Variants in PTPRT observed in about 807,000 individuals in gnomAD.
The protein encoded by PTPRT is receptor-type tyrosine-protein phosphatase T.
Under a neutral mutation model 176.8 loss-of-function variants are expected in PTPRT, and 56 were observed. The observed-to-expected ratio is 0.32, with a 90% confidence interval of 0.26 to 0.40. The LOEUF is 0.40. Ranked by LOEUF, PTPRT falls within the 10% of genes least tolerant of loss-of-function variation. The pLI is 1.00. For synonymous variants in PTPRT, 783 were observed against 739.0 expected (o/e 1.06, Z -0.96); for missense variants, 1,540 against 1,908.2 (o/e 0.81, Z 3.60).
chr20:42,744,927 G>A (rs536649306), intron 6 of PTPRT, among the ~76,000 whole-genome samples: 29 of 152,244 alleles, frequency 1.9e-4, no homozygotes, highest in African/African-American at 6.5e-4. Flanking sequence ...AATGAGGTCC[G>A]TGGTTAGGCA....
At chr20:42,414,612 G>A (rs1026887066) in intron 9 of PTPRT, among the ~76,000 whole-genome samples, 1 of 152,122 alleles carries the variant, frequency 6.6e-6, no homozygotes, top group African/African-American at 2.4e-5. Flanking sequence ...AAAATGCAAA[G>A]GAAGTAATGA....
At chr20:43,010,727 A>G (rs141467730) in intron 1 of PTPRT, among the ~76,000 whole-genome samples, 42 of 139,338 alleles carry the variant, frequency 3.0e-4, no homozygotes, top group Middle Eastern at 7.2e-3. Context: ...CACCACTTGC[A>G]AGAAAAAAAA....
intron 6 of PTPRT, among the ~76,000 whole-genome samples, chr20:42,689,447 C>T (rs1204984958): frequency 2.6e-5 from 4 of 152,148 alleles, no homozygotes; most frequent in East Asian, 1.9e-4. Flanking sequence ...GATAAAACCT[C>T]GCACTCATCC....
At chr20:42,866,733 ATAC>A (rs779964938) in intron 2 of PTPRT, among the ~76,000 whole-genome samples, 6 of 152,278 alleles carry the variant, frequency 3.9e-5, no homozygotes, top group Non-Finnish European at 8.8e-5. Flanking sequence ...CCTTCCTAGA[ATAC>A]TACATTATTC....
intron 27 of PTPRT, among the ~76,000 whole-genome samples, chr20:42,087,284 G>A (rs890306010): frequency 2.0e-5 from 3 of 152,078 alleles, no homozygotes; most frequent in Non-Finnish European, 4.4e-5. Context: ...AGGCGGGAGT[G>A]CAGTGGTGCG....
At chr20:43,083,789 C>A (rs992426324) in intron 1 of PTPRT, among the ~76,000 whole-genome samples, 5 of 152,170 alleles carry the variant, frequency 3.3e-5, no homozygotes, top group African/African-American at 9.7e-5. Flanking sequence ...CATCCCTGTT[C>A]ACAGCCATCC....
intron 1 of PTPRT, among the ~76,000 whole-genome samples, chr20:43,137,967 C>T (rs1159437712): frequency 1.3e-5 from 2 of 152,176 alleles, no homozygotes; most frequent in African/African-American, 2.4e-5. Flanking sequence ...TTCACTTCCC[C>T]GGGTTCAAGT....
chr20:42,584,597 T>C (rs1329374794), intron 7 of PTPRT, among the ~76,000 whole-genome samples: 1 of 152,186 alleles, frequency 6.6e-6, no homozygotes, highest in Non-Finnish European at 1.5e-5. Context: ...TCTCTCCTTA[T>C]CATGCTTTAT....
intron 1 of PTPRT, among the ~76,000 whole-genome samples, chr20:43,117,107 G>A (rs960539366): frequency 1.3e-5 from 2 of 152,136 alleles, no homozygotes; most frequent in Admixed American, 1.3e-4. Flanking sequence ...AAAGGGGCAA[G>A]CAGAGACATG....
chr20:42,138,336 G>C (rs1464696278), intron 18 of PTPRT, among the ~76,000 whole-genome samples: 1 of 152,128 alleles, frequency 6.6e-6, no homozygotes, highest in Non-Finnish European at 1.5e-5. Flanking sequence ...CCCCTTGGTG[G>C]GGTCACCATG....
At chr20:42,743,225 A>T (rs938369504) in intron 6 of PTPRT, among the ~76,000 whole-genome samples, 2 of 152,178 alleles carry the variant, frequency 1.3e-5, no homozygotes, top group African/African-American at 4.8e-5. Context: ...GCCCCTGGAT[A>T]GACATATAAA....
At chr20:42,906,281 C>G (rs879905223) in intron 1 of PTPRT, among the ~76,000 whole-genome samples, 2 of 152,120 alleles carry the variant, frequency 1.3e-5, no homozygotes, top group African/African-American at 2.4e-5. Flanking sequence ...TGGAGGCTGA[C>G]CGTCAAAATG....
chr20:42,324,264 T>C (rs1330977720), intron 11 of PTPRT, among the ~76,000 whole-genome samples: 1 of 152,200 alleles, frequency 6.6e-6, no homozygotes, highest in Non-Finnish European at 1.5e-5. Context: ...AAATAAGACG[T>C]AGAAGACTAC....
intron 2 of PTPRT, among the ~76,000 whole-genome samples, chr20:42,826,248 T>C (rs2077990867): frequency 6.6e-6 from 1 of 152,156 alleles, no homozygotes; most frequent in African/African-American, 2.4e-5. Context: ...ATACTTCCCA[T>C]GCCTTCATGA....
Position 43,154,673 on chromosome 20 carries a change from T to A in PTPRT, c.88+34973A>T, listed in dbSNP as rs558183647. ...CCATGACATTGGTCTGGGCAGTGAT[T>A]TTTTTGGATATGACCTCAAAAGCAA... On this transcript the variant is annotated intron_variant, in intron 1 of 30. Coordinates refer to ENST00000373187, the MANE Select transcript of PTPRT (RefSeq NM_007050.6). Among the ~76,000 whole-genome samples, 20 of 152,296 alleles carry A rather than the reference T, an allele frequency of 1.3e-4. 1 individual carries two copies. In the East Asian group the frequency reaches 3.1e-3, roughly 24 times the overall value.
At chr20:42,886,049 C>CTTTATATATATATATATA (rs58536258) in intron 1 of PTPRT, 117 bp from the exon 2 acceptor site, 1 of 431,156 alleles carries the variant, frequency 2.3e-6, no homozygotes, top group African/African-American at 2.3e-5. Context: ...AGAAGATTTT[C>CTTTATATATATATATATA]CATATATATA....
chr20:42,764,347 G>A (rs546693258), intron 5 of PTPRT, among the ~76,000 whole-genome samples: 133 of 152,218 alleles, frequency 8.7e-4, no homozygotes, highest in African/African-American at 3.0e-3. Context: ...AGGCAACTAG[G>A]GGGTGGGGAG....
intron 1 of PTPRT, among the ~76,000 whole-genome samples, chr20:43,183,586 C>T (rs575739621): frequency 6.6e-6 from 1 of 152,316 alleles, no homozygotes; most frequent in African/African-American, 2.4e-5. Flanking sequence ...TTAGGAAATG[C>T]AGAGTTACAC....
intron 1 of PTPRT, among the ~76,000 whole-genome samples, chr20:42,953,005 T>A (rs570112521): frequency 6.6e-6 from 1 of 152,350 alleles, no homozygotes; most frequent in Admixed American, 6.5e-5. Context: ...TTACCTCCAC[T>A]TTCATGCCCT....
Sources: gnomAD v4.1 joint callset for allele counts (sites outside exome capture counted in the v4.1 genomes callset) on GRCh38, gnomAD v4.1.1 for gene constraint, MANE v1.5 for transcripts, NCBI Gene and HGNC (gene_info 2026-07-23, HGNC 2026-07-21) for gene names.